The following SFMBT1 variants were observed in gnomAD, a reference collection of about 807,000 sequenced individuals.
SFMBT1 encodes the protein Scm like with four mbt domains 1, also known as scm-like with four MBT domains protein 1.
SFMBT1 carries 32 observed loss-of-function variants against 108.7 expected under a neutral mutation model. That is an observed-to-expected ratio of 0.29 (90% CI 0.22 to 0.40). The LOEUF is 0.40. Ranked by LOEUF, SFMBT1 falls within the 10% of genes least tolerant of loss-of-function variation. The pLI is 1.00. For missense variants in SFMBT1, 816 were observed against 1,059.6 expected (o/e 0.77, Z 3.19); for synonymous variants, 348 against 369.5 (o/e 0.94, Z 0.67).
rs766265372 is a variant in SFMBT1 at position 52,920,505 on chromosome 3, A to T, written c.1372+32T>A. On this transcript the variant is annotated intron_variant, in intron 12 of 20. Transcript: ENST00000394752. Reference sequence around the variant, plus strand: ...CAGCCACACAGAAGATTATTTAACAATCAATCCTCTAACCCAGAAATAGAC... The same window carrying T: ...CAGCCACACAGAAGATTATTTAACATTCAATCCTCTAACCCAGAAATAGAC... The T allele has an allele frequency of 2.0e-6, 3 of 1,500,080 alleles. No homozygotes were observed. In the African/African-American group the frequency reaches 4.2e-5, roughly 21 times the overall value. 92.9% of individuals were successfully genotyped at this position (1,500,080 alleles called of 1,614,324 possible).
intron 1 of SFMBT1, among the ~76,000 whole-genome samples, chr3:53,001,925 T>TCTCTCTCACACACACACA (rs1448849638): frequency 7.7e-6 from 1 of 129,132 alleles, no homozygotes; most frequent in Admixed American, 8.3e-5. Flanking sequence ...ACCCAGTCTC[T>TCTCTCTCACACACACACA]CACACACACA....
intron 4 of SFMBT1, among the ~76,000 whole-genome samples, chr3:52,943,060 C>T (rs1231791596): frequency 1.3e-5 from 2 of 152,170 alleles, no homozygotes; most frequent in African/African-American, 2.4e-5. Context: ...GGCTTAAAAA[C>T]AACCAGATCT....
chr3:53,010,491 G>A (rs1698904353), intron 1 of SFMBT1, among the ~76,000 whole-genome samples: 1 of 152,236 alleles, frequency 6.6e-6, no homozygotes, highest in Admixed American at 6.5e-5. Flanking sequence ...CTTTTGGGAG[G>A]AGGAGGTGAG....
chr3:52,991,630 C>G (rs1043573263), intron 1 of SFMBT1, among the ~76,000 whole-genome samples: 5 of 152,142 alleles, frequency 3.3e-5, no homozygotes, highest in African/African-American at 1.2e-4. Flanking sequence ...AGGCGTGAGC[C>G]ACCTCGCCCA....
At chr3:53,019,889 G>T (rs1699247385) in intron 1 of SFMBT1, among the ~76,000 whole-genome samples, 1 of 152,160 alleles carries the variant, frequency 6.6e-6, no homozygotes, top group South Asian at 2.1e-4. Flanking sequence ...GGCCCTGCAA[G>T]ATCTGGTGTC....
chr3:53,042,952 C>G (rs1575458722), intron 1 of SFMBT1, among the ~76,000 whole-genome samples: 1 of 152,202 alleles, frequency 6.6e-6, no homozygotes, highest in Non-Finnish European at 1.5e-5. Context: ...TAGCTTAACA[C>G]GGGAAAGACA....
chr3:52,935,674 A>C (rs1702984079), intron 4 of SFMBT1, among the ~76,000 whole-genome samples: 1 of 152,224 alleles, frequency 6.6e-6, no homozygotes. Flanking sequence ...AAAAATTAAC[A>C]ATAATTCCTT....
At chr3:52,944,886 C>T (rs906994834) in intron 3 of SFMBT1, among the ~76,000 whole-genome samples, 2 of 151,838 alleles carry the variant, frequency 1.3e-5, no homozygotes, top group African/African-American at 4.8e-5. Flanking sequence ...GGTGCAATCT[C>T]GGCTCACTGC....
intron 2 of SFMBT1, among the ~76,000 whole-genome samples, chr3:52,964,337 A>G (rs1704060126): frequency 1.3e-5 from 2 of 152,114 alleles, no homozygotes. Flanking sequence ...ATAACATAGC[A>G]AGACCCCATC....
In SFMBT1 at chr3:52,988,295, T is replaced by G. The variant is rs149074757; in HGVS notation, c.-130-19037A>C. 6.6e-5 allele frequency among the ~76,000 whole-genome samples: 10 copies of G among 152,356 alleles called. No homozygotes were observed. The East Asian group carries it at 1.9e-3, about 29-fold the overall frequency. On this transcript the variant is annotated intron_variant, in intron 1 of 20. Transcript: ENST00000394752. ...CACATATGCTGTACAATTAATTCAC[T>G]GGAATTTTTTTTAAGTTTAAGGCCC...
chr3:52,952,227 G>A (rs535222059), intron 3 of SFMBT1, among the ~76,000 whole-genome samples: 59 of 152,100 alleles, frequency 3.9e-4, no homozygotes, highest in African/African-American at 1.3e-3. Context: ...GTGTGATGGC[G>A]GGCGCCTGCA....
At chr3:52,982,468 C>T (rs977249633) in intron 1 of SFMBT1, among the ~76,000 whole-genome samples, 4 of 152,070 alleles carry the variant, frequency 2.6e-5, no homozygotes, top group African/African-American at 9.7e-5. Context: ...GTGGCTCACG[C>T]CTGTAATGCC....
chr3:52,916,705 C>A (rs2336160), intron 13 of SFMBT1, among the ~76,000 whole-genome samples: 105,683 of 150,868 alleles, frequency 0.7, 37,460 homozygotes, highest in South Asian at 0.87. Flanking sequence ...ACAACAACAA[C>A]AAAAAACTAC....
At chr3:52,976,604 G>T (rs569622823) in intron 1 of SFMBT1, among the ~76,000 whole-genome samples, 4 of 152,002 alleles carry the variant, frequency 2.6e-5, no homozygotes, top group African/African-American at 9.7e-5. Flanking sequence ...GCCATAAAAT[G>T]GATACATTTG....
At chr3:52,936,489 G>A (rs950969075) in intron 4 of SFMBT1, among the ~76,000 whole-genome samples, 3 of 125,414 alleles carry the variant, frequency 2.4e-5, no homozygotes, top group African/African-American at 6.0e-5. Flanking sequence ...TTGTCCTTAC[G>A]ACACTCTATC....
chr3:53,011,762 G>C (rs1161709487), intron 1 of SFMBT1, among the ~76,000 whole-genome samples: 2 of 152,326 alleles, frequency 1.3e-5, no homozygotes, highest in East Asian at 3.9e-4. Context: ...TGGGAGTGAG[G>C]GAGGTGTAAA....
intron 4 of SFMBT1, among the ~76,000 whole-genome samples, chr3:52,938,480 A>T (rs1703090372): frequency 1.3e-5 from 2 of 151,900 alleles, no homozygotes; most frequent in South Asian, 4.1e-4. Context: ...AGTCCTCTCT[A>T]TTTTTGGACT....
chr3:53,013,369 C>A (rs909148251), intron 1 of SFMBT1, among the ~76,000 whole-genome samples: 7 of 151,540 alleles, frequency 4.6e-5, no homozygotes, highest in African/African-American at 1.5e-4. Context: ...AAGAATATTA[C>A]GTCTTGAGTA....
Position 52,904,767 on chromosome 3 carries a change from C to T in SFMBT1, c.*369G>A, listed in dbSNP as rs1241383518. The T allele has an allele frequency of 5.7e-6, 1 of 176,536 alleles. No individual in the cohort carries two copies. The highest frequency in any genetic ancestry group is 1.2e-5 in the Non-Finnish European group (1 of 84,198). The allele number at this position is 176,536 out of a possible 1,614,324, so 10.9% of individuals were successfully genotyped here. A position where few individuals can be genotyped will look rare whatever the true frequency, so the allele number is the denominator to read the frequency against. On this transcript the variant is annotated 3_prime_UTR_variant, in exon 21 of 21. Coordinates refer to ENST00000394752, the MANE Select transcript of SFMBT1 (RefSeq NM_016329.4). ...AAAGCAGAGAACAAAGTTCAATCTA[C>T]AATGGGAGGGAACAGAATGAAAACA...
Sources: allele counts gnomAD v4.1 joint callset (sites outside exome capture counted in the v4.1 genomes callset), GRCh38; gene constraint gnomAD v4.1.1; transcripts MANE v1.5; gene names NCBI Gene and HGNC (gene_info 2026-07-23, HGNC 2026-07-21).